LRRK2: variants seen among roughly 807,000 people sequenced by gnomAD.
LRRK2 encodes leucine-rich repeat serine/threonine-protein kinase 2.
A neutral mutation model predicts 302.6 loss-of-function variants in LRRK2; 203 were observed. The observed-to-expected ratio is 0.67, with a 90% CI of 0.60 to 0.75. LRRK2 has a LOEUF of 0.75. LRRK2 is among the 30% of genes least tolerant of loss of function. The probability of loss-of-function intolerance (pLI) is 0.00; values close to 1 mark genes in which losing one functional copy is unlikely to be tolerated. For missense variants in LRRK2, 2,830 were observed against 2,951.0 expected (o/e 0.96, Z 0.95); for synonymous variants, 1,066 against 1,031.9 (o/e 1.03, Z -0.63).
intron 43 of LRRK2, among the ~76,000 whole-genome samples, chr12:40,350,182 T>C (rs1287065441): frequency 6.6e-6 from 1 of 152,248 alleles, no homozygotes; most frequent in African/African-American, 2.4e-5. Context: ...GTCCCAGCTT[T>C]ATAGGTACAG....
Position 40,225,616 on chromosome 12 carries a change from T to A in LRRK2, c.213T>A (p.Tyr71Ter). ...HVPLLIVLDS[Y>*]MRVASVQQVG... ...CTCTGTTGATCGTCTTGGACTCCTATATGAGAGTCGCGAGTGTGCAGCAGG... is the reference window on the plus strand; with the variant it reads ...CTCTGTTGATCGTCTTGGACTCCTAAATGAGAGTCGCGAGTGTGCAGCAGG... The change falls in exon 2 of 51, where the codon TAT becomes TAA. Residue 71 changes from tyrosine to a stop codon, truncating the protein, a stop_gained. Transcript: ENST00000298910. LOFTEE classifies it high-confidence loss of function. 1 of 1,614,070 alleles carries A rather than the reference T, an allele frequency of 6.2e-7. No individual in the cohort carries two copies. The highest frequency in any genetic ancestry group is 8.5e-7 in the Non-Finnish European group (1 of 1,179,944).
At chr12:40,231,409 A>AAAG (rs1941179558) in intron 2 of LRRK2, among the ~76,000 whole-genome samples, 1 of 149,556 alleles carries the variant, frequency 6.7e-6, no homozygotes, top group Non-Finnish European at 1.5e-5. Flanking sequence ...AAAAAAAAAA[A>AAAG]TTAGCTGGGT....
Position 40,310,584 on chromosome 12 carries a change from A to T in LRRK2, c.4471A>T (p.Thr1491Ser). The T allele has an allele frequency of 1.2e-6, 2 of 1,612,754 alleles. No individual in the cohort carries two copies. Among genetic ancestry groups the T allele is most frequent in the Non-Finnish European group, 1.7e-6 (2 of 1,179,724 alleles). The change falls in exon 31 of 51, where the codon ACC becomes TCC. Residue 1491 changes from threonine to serine, a missense_variant. Coordinates refer to ENST00000298910, the MANE Select transcript of LRRK2 (RefSeq NM_198578.4). ...AIRDYHFVNA[T>S]EESDALAKLR... ...ACGAGATTACCACTTTGTGAATGCC[A>T]CCGAGGAATCTGATGCTTTGGCAAA... is the stretch of plus-strand genomic sequence containing the variant.
chr12:40,295,353 G>A lies in LRRK2; in HGVS notation c.2879-74G>A, dbSNP rs543282187. 5.1e-6 allele frequency: 7 copies of A among 1,365,606 alleles called. No individual in the cohort carries two copies. In the African/African-American group the frequency reaches 8.5e-5, roughly 17 times the overall value. The allele number at this position is 1,365,606 out of a possible 1,614,324, so 84.6% of individuals were successfully genotyped here. ...GAAGAAAGCCTGATTGCTAGGAGGT[G>A]CTCACTAAACTTTTACTACATGAAT... On this transcript the variant is annotated intron_variant, in intron 22 of 50. Transcript: ENST00000298910.
Position 40,356,112 on chromosome 12 carries a change from T to C in LRRK2, c.6771-3T>C. 3.1e-6 allele frequency: 5 copies of C among 1,607,488 alleles called. No individual in the cohort carries two copies. The highest frequency in any genetic ancestry group is 4.3e-6 in the Non-Finnish European group (5 of 1,175,748). On this transcript the variant is annotated splice_polypyrimidine_tract_variant and splice_region_variant and intron_variant, in intron 45 of 50. Coordinates refer to ENST00000298910, the MANE Select transcript of LRRK2 (RefSeq NM_198578.4). Reference sequence around the variant, plus strand: ...GTAACAATTTCAACATTTTTCCTTTTAGCAAACAAAAAAATTTTCTTTTGG... The same window carrying C: ...GTAACAATTTCAACATTTTTCCTTTCAGCAAACAAAAAAATTTTCTTTTGG...
chr12:40,273,493 A>C (rs745953547), intron 14 of LRRK2, among the ~76,000 whole-genome samples: 11 of 152,204 alleles, frequency 7.2e-5, no homozygotes, highest in Non-Finnish European at 1.5e-4. Context: ...GAGAGGCATT[A>C]GGGGACTAGA....
At chr12:40,241,508 C>A (rs1189788947) in intron 6 of LRRK2, among the ~76,000 whole-genome samples, 1 of 143,524 alleles carries the variant, frequency 7.0e-6, no homozygotes, top group Admixed American at 8.1e-5. Flanking sequence ...TTGTAAGTGA[C>A]CATTAACACT....
At position 40,359,439 on chromosome 12, in the gene LRRK2, C is replaced by A. The variant is rs147450948; in HGVS notation, c.7023C>A (p.Ser2341Arg). The stretch of plus-strand genomic sequence containing the variant: ...AGAAACTCATTGAGACAAGAACAAG[C>A]CAACTGTAAGTTATTTTTTATCTGT... ...TIQKLIETRT[S>R]QLFSYAAFSD... The change falls in exon 47 of 51, where the codon AGC becomes AGA. Residue 2341 changes from serine (S) to arginine (R), a missense_variant. By Grantham distance (110) the Ser-to-Arg change is moderately radical. Transcript: ENST00000298910. 77 of 1,612,504 alleles carry A rather than the reference C, an allele frequency of 4.8e-5. No homozygotes were observed. The African/African-American group carries it at 9.6e-4, about 20-fold the overall frequency.
intron 14 of LRRK2, among the ~76,000 whole-genome samples, chr12:40,266,229 G>C (rs1339906545): frequency 6.6e-6 from 1 of 151,778 alleles, no homozygotes; most frequent in Non-Finnish European, 1.5e-5. Flanking sequence ...TACAGAATGG[G>C]AGAAAATTTT....
In LRRK2 at chr12:40,302,771, T is replaced by A; in HGVS notation, c.3497-18T>A. 6.8e-7 allele frequency: 1 copy of A among 1,480,970 alleles called. No homozygotes were observed. The highest frequency in any genetic ancestry group is 9.4e-7 in the Non-Finnish European group (1 of 1,059,730). The allele number at this position is 1,480,970 out of a possible 1,614,324, so 91.7% of individuals were successfully genotyped here. A position where few individuals can be genotyped will look rare whatever the true frequency, so the allele number is the denominator to read the frequency against. ...GGTTAAAATGATTAAAATGTTTATC[T>A]CATTTTTTTTCTTTTAGCTGCTATG... On this transcript the variant is annotated intron_variant, in intron 25 of 50. Transcript: ENST00000298910.
At chr12:40,235,883 A>T (rs1193404702) in intron 4 of LRRK2, among the ~76,000 whole-genome samples, 169 bp downstream of exon 4, 1 of 144,534 alleles carries the variant, frequency 6.9e-6, no homozygotes, top group African/African-American at 2.6e-5. Context: ...TAGTGATGGG[A>T]CAGCCATAAT....
At chr12:40,346,615 T>C (rs1466442263) in intron 41 of LRRK2, 138 bp from the exon 42 acceptor site, 2 of 782,560 alleles carry the variant, frequency 2.6e-6, no homozygotes, top group Non-Finnish European at 4.2e-6. Flanking sequence ...CAAGGTACCT[T>C]GTTATAAAAA....
intron 33 of LRRK2, among the ~76,000 whole-genome samples, chr12:40,315,707 C>T (rs1945194872): frequency 6.6e-6 from 1 of 151,966 alleles, no homozygotes; most frequent in Non-Finnish European, 1.5e-5. Flanking sequence ...TGAGTTTTGA[C>T]TTAAGTGAAA....
In LRRK2 at chr12:40,359,429, C is replaced by T; in HGVS notation, c.7013C>T (p.Thr2338Ile). The T allele has an allele frequency of 6.2e-7, 1 of 1,612,968 alleles. No individual in the cohort carries two copies. Among genetic ancestry groups the T allele is most frequent in the Non-Finnish European group, 8.5e-7 (1 of 1,179,358 alleles). ...TTCACCATTCAGAAACTCATTGAGA[C>T]AAGAACAAGCCAACTGTAAGTTATT... ...NDFTIQKLIE[T>I]RTSQLFSYAA... Residue 2338 changes from threonine (T) to isoleucine (I), a missense_variant, in exon 47 of 51, where the codon ACA (threonine) becomes ATA (isoleucine). By Grantham distance (89) the Thr-to-Ile change is moderately conservative. Coordinates refer to ENST00000298910, the MANE Select transcript of LRRK2 (RefSeq NM_198578.4).
chr12:40,253,958 A>T (rs953359887), intron 11 of LRRK2, among the ~76,000 whole-genome samples: 1 of 152,148 alleles, frequency 6.6e-6, no homozygotes, highest in Non-Finnish European at 1.5e-5. Context: ...ATACTTTTTT[A>T]AAAAATCGTT....
intron 18 of LRRK2, among the ~76,000 whole-genome samples, 175 bp from the exon 19 acceptor site, chr12:40,283,700 G>C (rs1389231505): frequency 6.6e-6 from 1 of 152,098 alleles, no homozygotes; most frequent in Non-Finnish European, 1.5e-5. Context: ...GACATTGATG[G>C]CATTAATATC....
At chr12:40,269,203 G>A (rs1943138043) in intron 14 of LRRK2, among the ~76,000 whole-genome samples, 1 of 152,134 alleles carries the variant, frequency 6.6e-6, no homozygotes, top group Non-Finnish European at 1.5e-5. Context: ...AAGATTATTA[G>A]ACATGAATGT....
Position 40,354,416 on chromosome 12 carries a change from G to A in LRRK2, c.6694G>A (p.Gly2232Arg), listed in dbSNP as rs987168018. Residue 2232 changes from glycine (G) to arginine (R), a missense_variant, in exon 45 of 51, where the codon GGG becomes AGG. Around this residue, in one of 3 missense-constraint regions of LRRK2, gnomAD observed 456 missense variants for 456.3 expected, o/e 1.00. Transcript: ENST00000298910. ...TCTCCTGGTCATCAATACCGAAGAT[G>A]GGAAAAAGAGACATACCCTAGAAAA... ...GTLLVINTED[G>R]KKRHTLEKMT... The A allele has an allele frequency of 1.2e-6, 2 of 1,613,966 alleles. No individual in the cohort carries two copies. The highest frequency in any genetic ancestry group is 1.7e-5 in the Admixed American group (1 of 60,000).
chr12:40,319,596 A>G (rs1335246898), intron 33 of LRRK2, among the ~76,000 whole-genome samples: 1 of 151,780 alleles, frequency 6.6e-6, no homozygotes, highest in Non-Finnish European at 1.5e-5. Flanking sequence ...GTGAAGTAAT[A>G]TTTCTATTTC....
Sources: gnomAD v4.1 joint callset for allele counts (sites outside exome capture counted in the v4.1 genomes callset) on GRCh38, gnomAD v4.1.1 for gene constraint, gnomAD v4.1.1 regional missense constraint, MANE v1.5 for transcripts, NCBI Gene and HGNC (gene_info 2026-07-23, HGNC 2026-07-21) for gene names.